PCDH15: variants seen among roughly 807,000 people sequenced by gnomAD.
The protein encoded by PCDH15 is protocadherin related 15.
In PCDH15, 129 loss-of-function variants were observed where a neutral mutation model predicts 178.5. The ratio of observed to expected loss-of-function variants is 0.72; its 90% confidence interval spans 0.63 to 0.84. PCDH15 has a LOEUF of 0.84. PCDH15 is among the 40% of genes least tolerant of loss of function. The pLI is 0.00. For synonymous variants in PCDH15, 800 were observed against 732.0 expected (o/e 1.09, Z -1.50); for missense variants, 2,230 against 2,099.9 (o/e 1.06, Z -1.21).
chr10:54,319,323 C>T (rs1373042216), intron 7 of PCDH15, among the ~76,000 whole-genome samples: 1 of 152,116 alleles, frequency 6.6e-6, no homozygotes, highest in Non-Finnish European at 1.5e-5. Flanking sequence ...GTGGTATGTA[C>T]ACACAATAGC....
chr10:55,234,991 T>C (rs953092116), intron 1 of PCDH15, among the ~76,000 whole-genome samples: 4 of 152,046 alleles, frequency 2.6e-5, no homozygotes, highest in African/African-American at 9.7e-5. Context: ...TAAAAATCCA[T>C]AATGAAAACC....
At chr10:55,526,275 T>C (rs969401896) in intron 2 of PCDH15, among the ~76,000 whole-genome samples, 2 of 151,986 alleles carry the variant, frequency 1.3e-5, no homozygotes, top group Admixed American at 1.3e-4. Flanking sequence ...AAAGTATCAT[T>C]ATTCTGAAGT....
At chr10:54,473,497 T>C (rs1050280131) in intron 3 of PCDH15, among the ~76,000 whole-genome samples, 3 of 152,148 alleles carry the variant, frequency 2.0e-5, no homozygotes, top group African/African-American at 7.2e-5. Flanking sequence ...ACGCTATGAC[T>C]GTATGCAAGA....
chr10:55,236,497 G>A (rs1841389687), intron 1 of PCDH15, among the ~76,000 whole-genome samples: 2 of 151,968 alleles, frequency 1.3e-5, no homozygotes, highest in African/African-American at 4.8e-5. Flanking sequence ...CATTTAATGA[G>A]ATATACTAAT....
intron 2 of PCDH15, among the ~76,000 whole-genome samples, chr10:55,603,817 T>G (rs1843143264): frequency 6.8e-6 from 1 of 146,762 alleles, no homozygotes; most frequent in African/African-American, 2.5e-5. Context: ...CCATCGAGAC[T>G]AGGAAGAAAC....
At chr10:55,063,800 T>C (rs1841498596) in intron 2 of PCDH15, among the ~76,000 whole-genome samples, 1 of 152,150 alleles carries the variant, frequency 6.6e-6, no homozygotes, top group African/African-American at 2.4e-5. Flanking sequence ...TCACACATAC[T>C]TCATAATCTG....
chr10:55,099,018 T>C (rs1842515530), intron 2 of PCDH15, among the ~76,000 whole-genome samples: 2 of 151,990 alleles, frequency 1.3e-5, no homozygotes, highest in Non-Finnish European at 2.9e-5. Flanking sequence ...TTAATCTATT[T>C]GGCGCAAGAT....
chr10:55,179,938 C>A (rs748686917), intron 1 of PCDH15, among the ~76,000 whole-genome samples: 2 of 151,904 alleles, frequency 1.3e-5, no homozygotes, highest in Non-Finnish European at 2.9e-5. Flanking sequence ...CAAAACTGTG[C>A]ATAGATGTGC....
chr10:54,170,747 G>T (rs1454723164), intron 13 of PCDH15, among the ~76,000 whole-genome samples: 1 of 151,734 alleles, frequency 6.6e-6, no homozygotes, highest in Admixed American at 6.6e-5. Flanking sequence ...TATTGATGGC[G>T]GTTCCACCAG....
intron 2 of PCDH15, among the ~76,000 whole-genome samples, chr10:54,593,738 G>A (rs2092032341): frequency 6.6e-6 from 1 of 152,044 alleles, no homozygotes; most frequent in Non-Finnish European, 1.5e-5. Context: ...GACAGGGATT[G>A]CATGAACCTG....
intron 3 of PCDH15, among the ~76,000 whole-genome samples, chr10:54,525,139 A>G (rs999224309): frequency 6.6e-6 from 1 of 152,268 alleles, no homozygotes; most frequent in Admixed American, 6.5e-5. Context: ...ACTTACATAA[A>G]CAATTAGCTA....
intron 2 of PCDH15, among the ~76,000 whole-genome samples, chr10:54,623,155 G>A (rs1365497514): frequency 6.6e-6 from 1 of 151,942 alleles, no homozygotes; most frequent in African/African-American, 2.4e-5. Flanking sequence ...CCATTGCGCT[G>A]ACTTCTTGCC....
chr10:54,404,459 C>G (rs1269018708), intron 3 of PCDH15, among the ~76,000 whole-genome samples: 1 of 152,042 alleles, frequency 6.6e-6, no homozygotes, highest in East Asian at 1.9e-4. Flanking sequence ...GGAGAACTGA[C>G]AAGCCATATG....
intron 3 of PCDH15, among the ~76,000 whole-genome samples, chr10:54,850,004 A>G (rs1481081775): frequency 6.6e-6 from 1 of 152,170 alleles, no homozygotes; most frequent in East Asian, 1.9e-4. Flanking sequence ...CTGAGACAGA[A>G]TTTAACATGT....
intron 2 of PCDH15, among the ~76,000 whole-genome samples, chr10:55,159,865 CCT>C (rs1190014515): frequency 2.1e-5 from 3 of 145,888 alleles, no homozygotes; most frequent in Middle Eastern, 3.5e-3. Context: ...GTTTTTTTTT[CCT>C]CTCTCAATAA....
chr10:55,157,531 A>G (rs563249867), intron 2 of PCDH15, among the ~76,000 whole-genome samples: 120 of 150,068 alleles, frequency 8.0e-4, no homozygotes, highest in Middle Eastern at 6.8e-3. Context: ...CACTATTCAC[A>G]ATAGCAAAGA....
At chr10:55,573,758 A>G (rs1357812945) in intron 2 of PCDH15, among the ~76,000 whole-genome samples, 4 of 152,018 alleles carry the variant, frequency 2.6e-5, no homozygotes, top group South Asian at 4.1e-4. Context: ...TTTTTATTTG[A>G]TGGCATATCC....
intron 4 of PCDH15, among the ~76,000 whole-genome samples, chr10:54,372,103 A>T (rs1947765074): frequency 6.6e-6 from 1 of 151,996 alleles, no homozygotes; most frequent in Non-Finnish European, 1.5e-5. Flanking sequence ...AATTAAAAAC[A>T]AAATAAATAT....
chr10:54,748,116 T>C (rs1307038102), intron 1 of PCDH15, among the ~76,000 whole-genome samples: 1 of 152,172 alleles, frequency 6.6e-6, no homozygotes, highest in African/African-American at 2.4e-5. Flanking sequence ...ACTCAATGGT[T>C]ACATTCTTAT....
Sources: allele counts gnomAD v4.1 joint callset (sites outside exome capture counted in the v4.1 genomes callset), GRCh38; gene constraint gnomAD v4.1.1; transcripts MANE v1.5; gene names NCBI Gene and HGNC (gene_info 2026-07-23, HGNC 2026-07-21).